The following TRPC5 variants were observed in gnomAD, a reference collection of about 807,000 sequenced individuals.
The protein encoded by TRPC5 is short transient receptor potential channel 5.
In TRPC5, 9 loss-of-function variants were observed where a neutral mutation model predicts 56.5. The ratio of observed to expected loss-of-function variants is 0.16; its 90% CI spans 0.10 to 0.28. The LOEUF (loss-of-function observed/expected upper bound fraction) is 0.28, where lower values mean the gene tolerates loss of function less well. TRPC5 is among the 10% of genes least tolerant of loss of function. The pLI is 1.00. For synonymous variants in TRPC5, 282 were observed against 278.5 expected (o/e 1.01, Z -0.13); for missense variants, 469 against 748.9 (o/e 0.63, Z 4.36).
At chrX:111,829,342 A>G (rs1371441532) in intron 7 of TRPC5, among the ~76,000 whole-genome samples, 9 of 108,261 alleles carry the variant, frequency 8.3e-5, no homozygotes, top group African/African-American at 3.0e-4. Flanking sequence ...GAAAATTTGC[A>G]GCCTGAAAAT....
At chrX:111,926,702 T>C (rs186128827) in intron 2 of TRPC5, among the ~76,000 whole-genome samples, 4,123 of 112,329 alleles carry the variant, frequency 0.037, 201 homozygotes, top group African/African-American at 0.13. Flanking sequence ...TTGCCACTAT[T>C]CATATTTCAT....
intron 1 of TRPC5, among the ~76,000 whole-genome samples, chrX:112,038,721 G>A (rs1328373849): frequency 9.3e-6 from 1 of 107,334 alleles, no homozygotes; most frequent in Non-Finnish European, 1.9e-5. Context: ...TCGCTCTGTC[G>A]CCCAGGCTGG....
At position 111,807,954 on chromosome X, in the gene TRPC5, C is replaced by CTGTGTGTG. The variant is rs1158422740; in HGVS notation, c.1897-25817_1897-25816insCACACACA. 2.9e-3 allele frequency among the ~76,000 whole-genome samples: 249 copies of CTGTGTGTG among 85,367 alleles called. 2 individuals are homozygous for CTGTGTGTG. The highest frequency in any genetic ancestry group is 0.018 in the African/African-American group (235 of 12,993). The allele number at this position is 85,367 out of a possible 115,157, so 74.1% of individuals were successfully genotyped here. A position where few individuals can be genotyped will look rare whatever the true frequency, so the allele number is the denominator to read the frequency against. On this transcript the variant is annotated intron_variant, in intron 7 of 10. Coordinates refer to ENST00000262839, the MANE Select transcript of TRPC5 (RefSeq NM_012471.3). ...ACAAATGGAGTCTCTCTCTCTCTCT[C>CTGTGTGTG]TCTGTGTGTGTGTGTGTGTGTGTGT...
chrX:112,030,232 G>C (rs1929552082), intron 1 of TRPC5, among the ~76,000 whole-genome samples: 1 of 112,663 alleles, frequency 8.9e-6, no homozygotes, highest in Non-Finnish European at 1.9e-5. Flanking sequence ...CTAAGTACTA[G>C]GCATTGTGCT....
chrX:111,889,235 A>T (rs1433553180), intron 3 of TRPC5, among the ~76,000 whole-genome samples: 1 of 111,570 alleles, frequency 9.0e-6, no homozygotes, highest in Non-Finnish European at 1.9e-5. Flanking sequence ...GTAAGATGAG[A>T]CGGAGAGCTG....
chrX:111,818,130 T>C (rs1254234059), intron 7 of TRPC5, among the ~76,000 whole-genome samples: 1 of 111,628 alleles, frequency 9.0e-6, no homozygotes, highest in Non-Finnish European at 1.9e-5. Flanking sequence ...AGAACCTCCT[T>C]AAAATGGCCA....
chrX:111,965,172 A>T (rs1270186101), intron 1 of TRPC5, among the ~76,000 whole-genome samples: 3 of 111,591 alleles, frequency 2.7e-5, no homozygotes, highest in Non-Finnish European at 5.6e-5. Context: ...AGGGGTTGCA[A>T]TCCTAGTCTC....
intron 2 of TRPC5, among the ~76,000 whole-genome samples, chrX:111,937,416 G>C (rs1396250140): frequency 1.1e-4 from 11 of 102,595 alleles, no homozygotes; most frequent in African/African-American, 4.1e-4. Context: ...TGAAGTCCTT[G>C]CCCATGCCTA....
intron 3 of TRPC5, among the ~76,000 whole-genome samples, chrX:111,895,003 T>C (rs185117124): frequency 1.5e-3 from 162 of 111,493 alleles, no homozygotes; most frequent in Middle Eastern, 9.2e-3. Context: ...TCAACATTCT[T>C]GTGCCTGTAT....
chrX:112,003,065 A>T (rs1194305240), intron 1 of TRPC5, among the ~76,000 whole-genome samples: 1 of 111,424 alleles, frequency 9.0e-6, no homozygotes, highest in Non-Finnish European at 1.9e-5. Context: ...TTATGTGGGT[A>T]TTCATTTCTC....
chrX:111,932,782 A>C (rs1926453634), intron 2 of TRPC5, among the ~76,000 whole-genome samples: 1 of 111,919 alleles, frequency 8.9e-6, no homozygotes, highest in South Asian at 3.8e-4. Flanking sequence ...TTGTGATCAG[A>C]TTTAGTACCG....
intron 3 of TRPC5, among the ~76,000 whole-genome samples, chrX:111,883,115 C>T (rs1924309934): frequency 9.1e-6 from 1 of 109,422 alleles, no homozygotes; most frequent in East Asian, 2.9e-4. Flanking sequence ...GACCTAGTCA[C>T]AGCCTAAGCC....
chrX:112,014,896 C>T (rs774379411), intron 1 of TRPC5, among the ~76,000 whole-genome samples: 34 of 111,662 alleles, frequency 3.0e-4, no homozygotes, highest in South Asian at 7.5e-4. Flanking sequence ...CATACCAGAC[C>T]AACAAAGTCA....
intron 2 of TRPC5, among the ~76,000 whole-genome samples, chrX:111,929,939 T>C (rs758701685): frequency 4.5e-5 from 5 of 111,768 alleles, no homozygotes; most frequent in Non-Finnish European, 9.4e-5. Flanking sequence ...AGAAGAGACC[T>C]TGGAGATGAC....
chrX:111,958,133 ATAGGGGTCCTTACACTT>A (rs1475644227), intron 1 of TRPC5, among the ~76,000 whole-genome samples: 2 of 111,770 alleles, frequency 1.8e-5, no homozygotes, highest in Non-Finnish European at 3.8e-5. Flanking sequence ...ATGTGATCAC[ATAGGGGTCCTTACACTT>A]TAGTCCTCTT....
At position 111,776,200 on chromosome X, in the gene TRPC5, ACT is replaced by A; in HGVS notation, c.*111_*112del. 2.7e-6 allele frequency: 2 copies of A among 733,350 alleles called. No homozygotes were observed. Among genetic ancestry groups the A allele is most frequent in the Non-Finnish European group, 3.9e-6 (2 of 515,822 alleles). 60.4% of individuals were successfully genotyped at this position (733,350 alleles called of 1,213,427 possible). On this transcript the variant is annotated 3_prime_UTR_variant, in exon 11 of 11. Transcript: ENST00000262839. ...AAAAGATGGTGCAAATAAGAGTTTC[ACT>A]CTCCTTTCTGGGGGGCAGGGGCAGT...
intron 1 of TRPC5, among the ~76,000 whole-genome samples, chrX:112,061,139 TTA>T (rs2147739649): frequency 8.9e-6 from 1 of 112,676 alleles, no homozygotes; most frequent in Non-Finnish European, 1.9e-5. Flanking sequence ...TGTTTATTAA[TTA>T]AACATACACA....
intron 2 of TRPC5, among the ~76,000 whole-genome samples, chrX:111,920,938 C>T (rs906867966): frequency 8.9e-6 from 1 of 111,741 alleles, no homozygotes; most frequent in Non-Finnish European, 1.9e-5. Context: ...AACTAGAGGT[C>T]CTGTCTAGTA....
chrX:111,789,034 T>A (rs939265860), intron 7 of TRPC5, among the ~76,000 whole-genome samples: 9 of 111,977 alleles, frequency 8.0e-5, no homozygotes, highest in Non-Finnish European at 1.5e-4. Context: ...AAGCTACCAA[T>A]GACTTTCTTC....
Sources: gnomAD v4.1 joint callset for allele counts (sites outside exome capture counted in the v4.1 genomes callset) on GRCh38, gnomAD v4.1.1 for gene constraint, MANE v1.5 for transcripts, NCBI Gene and HGNC (gene_info 2026-07-23, HGNC 2026-07-21) for gene names.